ZNF384: variants seen among roughly 807,000 people sequenced by gnomAD.
ZNF384 encodes CAG repeat protein 1.
ZNF384 carries 20 observed loss-of-function variants against 65.0 expected under a neutral mutation model. The ratio of observed to expected loss-of-function variants is 0.31; its 90% confidence interval spans 0.22 to 0.45. ZNF384 has a LOEUF of 0.45. ZNF384 is among the 20% of genes least tolerant of loss of function. The pLI, the probability that ZNF384 is intolerant of heterozygous loss-of-function variation, is 1.00. For synonymous variants in ZNF384, 310 were observed against 303.9 expected, an observed-to-expected ratio of 1.02 and a Z score of -0.21; for missense variants, 549 against 769.4, an observed-to-expected ratio of 0.71 and a Z score of 3.39.
In ZNF384 at chr12:6,678,634, C is replaced by A. The variant is rs759120516; in HGVS notation, c.352+29G>T. 1.9e-6 allele frequency: 3 copies of A among 1,612,106 alleles called. No homozygotes were observed. The highest frequency in any genetic ancestry group is 2.5e-6 in the Non-Finnish European group (3 of 1,179,012). On this transcript the variant is annotated intron_variant, in intron 5 of 11. Coordinates refer to ENST00000683879, the MANE Select transcript of ZNF384 (RefSeq NM_001385745.1). The surrounding 1 kb of genome is among the most constrained non-coding windows in gnomAD (Gnocchi z 4.9). Reference sequence around the variant, plus strand: ...AAATAATGGTCTCCTAACCCTTGTCCCCACCCCCCTGGTAACAGTGAGATT... The same window carrying A: ...AAATAATGGTCTCCTAACCCTTGTCACCACCCCCCTGGTAACAGTGAGATT...
Position 6,672,505 on chromosome 12 carries a change from G to A in ZNF384, c.1032C>T (p.Thr344=), listed in dbSNP as rs772009244. ...TRIHSKMHTE[T]IKPHKCPHCS... ...AGTGCGGGCACTTGTGGGGCTTGAT[G>A]GTCTCCGTGTGCATCTTGGAGTGGA... Residue 344 remains threonine (T), a synonymous_variant, in exon 9 of 12, where the codon ACC becomes ACT. Coordinates refer to ENST00000683879, the MANE Select transcript of ZNF384 (RefSeq NM_001385745.1). The surrounding 1 kb of genome is among the most constrained non-coding windows in gnomAD (Gnocchi z 4.4). The A allele has an allele frequency of 3.7e-6, 6 of 1,613,926 alleles. No individual in the cohort carries two copies. In the Admixed American group the frequency reaches 8.3e-5, roughly 22 times the overall value.
intron 7 of ZNF384, among the ~76,000 whole-genome samples, chr12:6,675,516 G>A (rs990127186): frequency 6.6e-6 from 1 of 152,212 alleles, no homozygotes; most frequent in Non-Finnish European, 1.5e-5. Context: ...TTTCCAACTT[G>A]AAAATCCTAT....
intron 2 of ZNF384, among the ~76,000 whole-genome samples, chr12:6,681,175 C>A (rs1273227141): frequency 1.3e-5 from 2 of 149,718 alleles, no homozygotes; most frequent in Non-Finnish European, 3.0e-5. Flanking sequence ...GCCAAGATTG[C>A]GCCATTGCCT....
At chr12:6,683,715 T>C (rs1307175713) in intron 2 of ZNF384, among the ~76,000 whole-genome samples, 1 of 147,328 alleles carries the variant, frequency 6.8e-6, no homozygotes, top group Non-Finnish European at 1.5e-5. Context: ...GCACTATGGA[T>C]GTGAAAACGT....
rs1949854558 is a variant in ZNF384, at chr12:6,666,654, A to G, written c.*1060T>C. ...TGATTTAAAAAAAAAAAAAAAAGAC[A>G]AAAAGAAAAATGCTGTGGCTAGAGG... On this transcript the variant is annotated 3_prime_UTR_variant, in exon 12 of 12. Transcript: ENST00000683879. 1 of 167,708 alleles carries G rather than the reference A, an allele frequency of 6.0e-6. No homozygotes were observed. The highest frequency in any genetic ancestry group is 1.3e-5 in the Non-Finnish European group (1 of 77,420). The allele number at this position is 167,708 out of a possible 1,614,324, so 10.4% of individuals were successfully genotyped here. A position where few individuals can be genotyped will look rare whatever the true frequency, so the allele number is the denominator to read the frequency against.
chr12:6,682,292 C>T (rs1592409645), intron 2 of ZNF384, among the ~76,000 whole-genome samples: 1 of 151,622 alleles, frequency 6.6e-6, no homozygotes, highest in East Asian at 1.9e-4. Context: ...TGTACTCTAA[C>T]CTGGGTAACA....
At chr12:6,669,884 T>C (rs1347291857) in intron 10 of ZNF384, among the ~76,000 whole-genome samples, 1 of 152,136 alleles carries the variant, frequency 6.6e-6, no homozygotes, top group Non-Finnish European at 1.5e-5. Context: ...ATCACACCAC[T>C]GCACTCCAGC....
At chr12:6,685,222 C>G (rs1381004895) in intron 2 of ZNF384, among the ~76,000 whole-genome samples, 5 of 151,836 alleles carry the variant, frequency 3.3e-5, no homozygotes, top group Admixed American at 1.3e-4. Context: ...ACTTGGGAGG[C>G]TGAGGCAGGA....
At position 6,667,442 on chromosome 12, in the gene ZNF384, C is replaced by T; in HGVS notation, c.*272G>A. The stretch of plus-strand genomic sequence containing the variant: ...TCATAGCAAATCCTTCCCTTGAGCA[C>T]CGACCCCCAGTTTTAGAAGCTTTGC... On this transcript the variant is annotated 3_prime_UTR_variant, in exon 12 of 12. Transcript: ENST00000683879. 1.8e-6 allele frequency: 1 copy of T among 567,248 alleles called. No homozygotes were observed. The highest frequency in any genetic ancestry group is 3.2e-6 in the Non-Finnish European group (1 of 316,396). 35.1% of individuals were successfully genotyped at this position (567,248 alleles called of 1,614,324 possible).
Position 6,673,219 on chromosome 12 carries a change from G to A in ZNF384, c.1001C>T (p.Thr334Ile), listed in dbSNP as rs1300389712. The change falls in exon 8 of 12, where the codon ACC becomes ATC. Residue 334 changes from threonine (T) to isoleucine (I), a missense_variant. By Grantham distance (89) the Thr-to-Ile change is moderately conservative. Around this residue, in one of 5 missense-constraint regions of ZNF384, gnomAD observed 39 missense variants for 85.8 expected, o/e 0.45. Transcript: ENST00000683879. The surrounding 1 kb of genome is among the most constrained non-coding windows in gnomAD (Gnocchi z 4.7). ...GGTAAACCAAGAGCAGCCTTACCGG[G>A]TGTGCTGCTGAAGGTGGGAGAGCTG... ...FRQLSHLQQH[T>I]RIHSKMHTET... is the part of the protein sequence containing the mutation. 8 of 1,613,702 alleles carry A rather than the reference G, an allele frequency of 5.0e-6. No individual in the cohort carries two copies. The highest frequency in any genetic ancestry group is 1.7e-5 in the Admixed American group (1 of 59,942).
At chr12:6,686,105 A>G (rs1957824670) in intron 2 of ZNF384, among the ~76,000 whole-genome samples, 1 of 152,142 alleles carries the variant, frequency 6.6e-6, no homozygotes, top group Non-Finnish European at 1.5e-5. Context: ...AGAACCCACT[A>G]ATTGTTTTTT....
intron 2 of ZNF384, among the ~76,000 whole-genome samples, chr12:6,680,247 G>C (rs1226257748): frequency 6.6e-6 from 1 of 152,178 alleles, no homozygotes; most frequent in African/African-American, 2.4e-5. Context: ...TTACAGGCGT[G>C]AACCACTGTG....
chr12:6,679,047 T>G lies in ZNF384; in HGVS notation c.203A>C (p.Asp68Ala), dbSNP rs765366812. The change falls in exon 4 of 12, where the codon GAC becomes GCC. Residue 68 changes from aspartate (D) to alanine (A), a missense_variant. Asp to Ala is a moderately radical substitution (Grantham distance 126, BLOSUM62 -2). Transcript: ENST00000683879. ...SVSLPSGISM[D>A]TESKSDQLTP... ...CAGCTGGTCTGACTTGGACTCTGTG[T>G]CCATACTGATGCCTGAGGGCAGGGA... The G allele has an allele frequency of 6.2e-7, 1 of 1,613,862 alleles. No homozygotes were observed. The highest frequency in any genetic ancestry group is 8.5e-7 in the Non-Finnish European group (1 of 1,179,998).
chr12:6,679,609 C>CCCT, intron 2 of ZNF384, 84 bp from the exon 3 acceptor site: 1 of 1,015,304 alleles, frequency 9.8e-7, no homozygotes, highest in Non-Finnish European at 1.5e-6. Context: ...TGAAGAGTTC[C>CCCT]TGGTCTCCTC....
At chr12:6,677,556 A>G (rs767358106) in intron 6 of ZNF384, among the ~76,000 whole-genome samples, 31 of 152,244 alleles carry the variant, frequency 2.0e-4, no homozygotes, top group Admixed American at 6.5e-5. Flanking sequence ...GAGGAAGTGG[A>G]GAATCAAAAT....
intron 2 of ZNF384, among the ~76,000 whole-genome samples, chr12:6,682,500 T>C (rs1449161382): frequency 6.6e-6 from 1 of 151,980 alleles, no homozygotes; most frequent in African/African-American, 2.4e-5. Context: ...ATACAAACAT[T>C]TGCCAGGCAT....
At chr12:6,670,901 CA>C in intron 9 of ZNF384, 63 bp from the exon 10 acceptor site, 4 of 1,478,780 alleles carry the variant, frequency 2.7e-6, no homozygotes, top group Non-Finnish European at 3.8e-6. Flanking sequence ...ACTGGCTCAA[CA>C]AATCTTCTCC....
chr12:6,677,737 T>C (rs1010201424), intron 6 of ZNF384, among the ~76,000 whole-genome samples: 3 of 151,948 alleles, frequency 2.0e-5, no homozygotes, highest in African/African-American at 7.3e-5. Context: ...GGATGGCACA[T>C]AGGTTAGGTG....
intron 2 of ZNF384, among the ~76,000 whole-genome samples, chr12:6,687,646 T>G (rs559232029): frequency 6.6e-6 from 1 of 152,262 alleles, no homozygotes. Context: ...AAGCAGTTTT[T>G]TTTTTCCCCT....
Sources: gnomAD v4.1 joint callset for allele counts (sites outside exome capture counted in the v4.1 genomes callset) on GRCh38, gnomAD v4.1.1 for gene constraint, gnomAD v4.1.1 regional missense constraint, Gnocchi (gnomAD v3.1) non-coding constraint, MANE v1.5 for transcripts, NCBI Gene and HGNC (gene_info 2026-07-23, HGNC 2026-07-21) for gene names.